The following ERICH1 variants were observed in gnomAD, a reference collection of about 807,000 sequenced individuals.
ERICH1 encodes glutamate rich 1, also known as glutamate-rich protein 1.
ERICH1 carries 56 observed loss-of-function variants against 39.6 expected under a neutral mutation model. The ratio of observed to expected loss-of-function variants is 1.41; its 90% CI spans 1.14 to 1.77. The LOEUF (loss-of-function observed/expected upper bound fraction) is 1.77, where lower values mean the gene tolerates loss of function less well. Ranked by LOEUF, ERICH1 falls within the 40% of genes most tolerant of loss-of-function variation. The pLI is 0.00. For missense variants in ERICH1, 826 were observed against 575.4 expected (o/e 1.44, Z -4.45); for synonymous variants, 313 against 223.6 (o/e 1.40, Z -3.57).
rs187491137 is a variant in ERICH1 at position 703,365 on chromosome 8, G to A, written c.170-10753C>T. 5.3e-5 allele frequency among the ~76,000 whole-genome samples: 8 copies of A among 152,274 alleles called. No individual in the cohort carries two copies. The East Asian group carries it at 1.5e-3, about 29-fold the overall frequency. On this transcript the variant is annotated intron_variant, in intron 2 of 5. Transcript: ENST00000262109. ...GATGAAAAAAATACAGTGTTGGAAA[G>A]TGAAAAGTAGACGGGATGCTGAATC... is the stretch of plus-strand genomic sequence containing the variant.
intron 5 of ERICH1, chr8:668,376 C>T: frequency 1.7e-6 from 1 of 579,748 alleles, no homozygotes. Context: ...AGTCCGGAAA[C>T]TTAGACTGCA....
chr8:630,322 G>T lies in ERICH1; in HGVS notation c.977-15038C>A, dbSNP rs1263213224. The stretch of plus-strand genomic sequence containing the variant: ...TGTGACCACCCACACAGACAGAGCT[G>T]ACTCACAACCTCCCGTGAGCACCCA... On this transcript the variant is annotated intron_variant, in intron 3 of 3. Transcript: ENST00000522706. 6.5e-5 allele frequency among the ~76,000 whole-genome samples: 7 copies of T among 107,210 alleles called. 1 individual carries two copies. Among genetic ancestry groups the T allele is most frequent in the African/African-American group, 2.4e-4 (6 of 24,564 alleles). The allele number at this position is 107,210 out of a possible 152,430, so 70.3% of individuals were successfully genotyped here.
intron 2 of ERICH1, among the ~76,000 whole-genome samples, chr8:706,062 G>C (rs1034944809): frequency 6.6e-6 from 1 of 152,218 alleles, no homozygotes; most frequent in African/African-American, 2.4e-5. Context: ...CTTCAGCACA[G>C]GCATGTACTG....
intron 1 of ERICH1, among the ~76,000 whole-genome samples, chr8:726,852 C>T (rs1021388498): frequency 6.6e-5 from 10 of 151,740 alleles, no homozygotes; most frequent in East Asian, 1.9e-4. Context: ...CAGGCACATA[C>T]GTATGTACAC....
intron 3 of ERICH1, among the ~76,000 whole-genome samples, chr8:638,145 G>A (rs1179411266): frequency 6.6e-6 from 1 of 152,254 alleles, no homozygotes; most frequent in Non-Finnish European, 1.5e-5. Flanking sequence ...CTGAGGAAGG[G>A]CCCAGCATCC....
chr8:724,964 G>C (rs987907683), intron 1 of ERICH1, among the ~76,000 whole-genome samples: 3 of 152,202 alleles, frequency 2.0e-5, no homozygotes, highest in African/African-American at 7.2e-5. Flanking sequence ...CCCTGCGCCA[G>C]CCACGAAGGA....
chr8:700,061 AGGCCCTCACAGG>A (rs1563297060), intron 2 of ERICH1, among the ~76,000 whole-genome samples: 60 of 140,796 alleles, frequency 4.3e-4, no homozygotes, highest in African/African-American at 1.6e-3. Flanking sequence ...ACACGCGCAC[AGGCCCTCACAGG>A]CGCACAGACC....
At chr8:638,054 T>C (rs1006138505) in intron 3 of ERICH1, among the ~76,000 whole-genome samples, 2 of 152,244 alleles carry the variant, frequency 1.3e-5, no homozygotes, top group Non-Finnish European at 2.9e-5. Context: ...AAGCCTGTTC[T>C]CTAGGAGGTC....
intron 3 of ERICH1, 54 bp from the exon 4 acceptor site, chr8:674,101 C>CT: frequency 6.8e-7 from 1 of 1,480,870 alleles, no homozygotes; most frequent in Non-Finnish European, 8.9e-7. Flanking sequence ...CCATAACAAA[C>CT]ATATTAGGCT....
At chr8:633,130 T>A (rs6559031) in intron 3 of ERICH1, among the ~76,000 whole-genome samples, 31,644 of 151,818 alleles carry the variant, frequency 0.21, 3,513 homozygotes, top group Middle Eastern at 0.34. Flanking sequence ...ACCGTGGTGC[T>A]GCCCAGGACA....
At chr8:661,293 G>A (rs541978144), downstream of ERICH1, among the ~76,000 whole-genome samples, 1 of 152,276 alleles carries the variant, frequency 6.6e-6, no homozygotes, top group Admixed American at 6.5e-5. Flanking sequence ...GGGCCCTGGA[G>A]TCTCCTGAAC....
intron 3 of ERICH1, among the ~76,000 whole-genome samples, chr8:655,722 G>A (rs978102615): frequency 1.4e-5 from 2 of 138,368 alleles, no homozygotes. Flanking sequence ...CTTCCTCTGT[G>A]CCCCACTTCC....
chr8:620,885 GATCC>G (rs1797240442), intron 3 of ERICH1, among the ~76,000 whole-genome samples: 1 of 152,118 alleles, frequency 6.6e-6, no homozygotes, highest in Non-Finnish European at 1.5e-5. Context: ...ATAGGCAGAA[GATCC>G]ACACAGAAAT....
At chr8:730,475 A>G (rs1412646803) in intron 1 of ERICH1, among the ~76,000 whole-genome samples, 1 of 152,230 alleles carries the variant, frequency 6.6e-6, no homozygotes, top group Non-Finnish European at 1.5e-5. Flanking sequence ...CACTCTTTTC[A>G]TTATGATGAT....
chr8:655,424 G>A (rs573466387), intron 3 of ERICH1, among the ~76,000 whole-genome samples: 21 of 152,322 alleles, frequency 1.4e-4, no homozygotes, highest in Non-Finnish European at 2.9e-4. Flanking sequence ...TTGTTTGCCC[G>A]TCTCTCACAT....
intron 2 of ERICH1, 131 bp from the exon 3 acceptor site, chr8:692,743 T>C (rs1809208819): frequency 1.8e-6 from 2 of 1,092,448 alleles, no homozygotes; most frequent in Admixed American, 6.8e-5. Flanking sequence ...CAATAAAACC[T>C]AACCACTGTC....
intron 4 of ERICH1, chr8:671,951 G>A (rs1047279722): frequency 3.2e-5 from 5 of 158,710 alleles, no homozygotes; most frequent in African/African-American, 1.2e-4. Flanking sequence ...CTCAACCTGT[G>A]AGGCTGGTTT....
At chr8:700,979 G>A (rs921201423) in intron 2 of ERICH1, among the ~76,000 whole-genome samples, 6 of 152,278 alleles carry the variant, frequency 3.9e-5, no homozygotes, top group Non-Finnish European at 8.8e-5. Context: ...CCGAGAGGAA[G>A]TGCAGGTGCC....
At chr8:626,927 G>T (rs780395482) in intron 3 of ERICH1, 4 of 344,636 alleles carry the variant, frequency 1.2e-5, no homozygotes, top group Admixed American at 1.1e-4. Context: ...ACCTTCCAGG[G>T]CCAGCTGGGA....
Sources: gnomAD v4.1 joint callset for allele counts (sites outside exome capture counted in the v4.1 genomes callset) on GRCh38, gnomAD v4.1.1 for gene constraint, MANE v1.5 for transcripts, NCBI Gene and HGNC (gene_info 2026-07-23, HGNC 2026-07-21) for gene names.